CADM2: variants seen among roughly 807,000 people sequenced by gnomAD.
CADM2 encodes immunoglobulin superfamily member 4D.
CADM2 carries 12 observed loss-of-function variants against 49.8 expected under a neutral mutation model. The ratio of observed to expected loss-of-function variants is 0.24; its 90% confidence interval spans 0.15 to 0.39. The LOEUF (loss-of-function observed/expected upper bound fraction) is 0.39. CADM2 is among the 10% of genes least tolerant of loss of function. The pLI is 1.00. For synonymous variants in CADM2, 214 were observed against 175.4 expected (o/e 1.22, Z -1.74); for missense variants, 378 against 492.3 (o/e 0.77, Z 2.20).
intron 8 of CADM2, among the ~76,000 whole-genome samples, chr3:86,053,650 G>T (rs1003282083): frequency 6.6e-6 from 1 of 151,942 alleles, no homozygotes; most frequent in East Asian, 1.9e-4. Context: ...CAACTTTCCC[G>T]TATGAAAATT....
At chr3:85,344,146 C>G (rs373428730) in intron 1 of CADM2, among the ~76,000 whole-genome samples, 5 of 151,610 alleles carry the variant, frequency 3.3e-5, no homozygotes, top group African/African-American at 7.3e-5. Flanking sequence ...GGGGCCGAGG[C>G]GGGCAGATCA....
chr3:85,858,687 A>C (rs2075405079), intron 3 of CADM2, among the ~76,000 whole-genome samples: 1 of 152,212 alleles, frequency 6.6e-6, no homozygotes, highest in African/African-American at 2.4e-5. Flanking sequence ...CACTTTACTC[A>C]CTGCTATATG....
intron 8 of CADM2, chr3:85,994,100 T>G: frequency 6.6e-6 from 1 of 152,404 alleles, no homozygotes; most frequent in Non-Finnish European, 1.5e-5. Context: ...CTTCTTCCAA[T>G]AGAGGACTGT....
At chr3:85,253,022 A>C (rs1377266206) in intron 1 of CADM2, among the ~76,000 whole-genome samples, 1 of 152,138 alleles carries the variant, frequency 6.6e-6, no homozygotes, top group Admixed American at 6.6e-5. Context: ...TAATGATTAC[A>C]GTAAGTCTTC....
chr3:85,575,641 T>C (rs1165730192), intron 1 of CADM2, among the ~76,000 whole-genome samples: 1 of 152,134 alleles, frequency 6.6e-6, no homozygotes, highest in Admixed American at 6.5e-5. Flanking sequence ...TTATGTAAAA[T>C]AAAGAAGATA....
At chr3:85,010,082 AC>A (rs2033918302) in intron 1 of CADM2, among the ~76,000 whole-genome samples, 1 of 152,072 alleles carries the variant, frequency 6.6e-6, no homozygotes. Context: ...AATAGAGAAT[AC>A]CCCAATAAAG....
chr3:85,187,428 A>G (rs1166915915), intron 1 of CADM2, among the ~76,000 whole-genome samples: 2 of 152,172 alleles, frequency 1.3e-5, no homozygotes, highest in Non-Finnish European at 2.9e-5. Context: ...AGATACAAAA[A>G]GAAACATCTC....
At chr3:85,689,352 T>G (rs1026869222) in intron 1 of CADM2, among the ~76,000 whole-genome samples, 4 of 152,150 alleles carry the variant, frequency 2.6e-5, no homozygotes, top group Non-Finnish European at 5.9e-5. Context: ...CTTTTAAATG[T>G]TGCAAAGAAA....
chr3:85,246,846 A>T lies in CADM2; in HGVS notation c.61+287178A>T, dbSNP rs1014682488. ...CTTTAAATTGCCTTAGAGTTCTTGAATTTGTTTGCTGTGTATATTTTGTTG... is the reference window on the plus strand; with the variant it reads ...CTTTAAATTGCCTTAGAGTTCTTGATTTTGTTTGCTGTGTATATTTTGTTG... On this transcript the variant is annotated intron_variant, in intron 1 of 9. Coordinates refer to ENST00000383699, the MANE Select transcript of CADM2 (RefSeq NM_001167675.2). 8.5e-5 allele frequency among the ~76,000 whole-genome samples: 13 copies of T among 152,170 alleles called. No homozygotes were observed. In the South Asian group the frequency reaches 2.7e-3, roughly 32 times the overall value.
At chr3:85,143,294 G>A (rs1334816782) in intron 1 of CADM2, among the ~76,000 whole-genome samples, 1 of 152,040 alleles carries the variant, frequency 6.6e-6, no homozygotes, top group East Asian at 1.9e-4. Flanking sequence ...ACTAGCCTGT[G>A]CAACATAGTG....
At chr3:85,977,812 G>A (rs1577843630) in intron 8 of CADM2, among the ~76,000 whole-genome samples, 1 of 151,468 alleles carries the variant, frequency 6.6e-6, no homozygotes, top group East Asian at 1.9e-4. Context: ...GACTGGCCAG[G>A]AAGCATTTTC....
intron 6 of CADM2, among the ~76,000 whole-genome samples, chr3:85,915,541 G>A (rs1359001897): frequency 1.3e-5 from 2 of 152,092 alleles, no homozygotes; most frequent in Non-Finnish European, 2.9e-5. Flanking sequence ...GCAAATTGGT[G>A]TGATTTTCAT....
chr3:85,809,692 C>CTTCCTTCCTTCA, intron 3 of CADM2, among the ~76,000 whole-genome samples: 1 of 128,442 alleles, frequency 7.8e-6, no homozygotes, highest in Non-Finnish European at 1.7e-5. Flanking sequence ...TCCTTCCTTC[C>CTTCCTTCCTTCA]TTCCTTCCTT....
chr3:85,240,171 G>A (rs1459255438), intron 1 of CADM2, among the ~76,000 whole-genome samples: 2 of 151,414 alleles, frequency 1.3e-5, no homozygotes, highest in African/African-American at 2.4e-5. Flanking sequence ...AATAACTTAT[G>A]TTGTTGCTTT....
At chr3:86,046,770 A>C (rs1736732850) in intron 8 of CADM2, among the ~76,000 whole-genome samples, 1 of 151,974 alleles carries the variant, frequency 6.6e-6, no homozygotes, top group Admixed American at 6.6e-5. Context: ...CCTCCGTCTT[A>C]AACACCCCCA....
rs1334323124 is a variant in CADM2, at chr3:86,071,855, T to C, written c.*5072T>C. The C allele has an allele frequency of 1.3e-5, 2 of 152,018 alleles. No individual in the cohort carries two copies. Among genetic ancestry groups the C allele is most frequent in the African/African-American group, 4.8e-5 (2 of 41,470 alleles). The allele number at this position is 152,018 out of a possible 1,614,324, so 9.4% of individuals were successfully genotyped here. On this transcript the variant is annotated 3_prime_UTR_variant, in exon 10 of 10. Transcript: ENST00000383699. The stretch of plus-strand genomic sequence containing the variant: ...ATATAATTGTATTGGTTTTTAAAAA[T>C]AATTAAAATGGCAACACTTTGCGAT...
intron 1 of CADM2, among the ~76,000 whole-genome samples, chr3:85,282,517 C>T (rs1309764763): frequency 2.6e-5 from 4 of 151,212 alleles, no homozygotes; most frequent in African/African-American, 9.7e-5. Flanking sequence ...AACAATCTAC[C>T]CGCCTCGGCC....
chr3:84,960,592 G>C (rs2107031383), intron 1 of CADM2, among the ~76,000 whole-genome samples: 1 of 151,692 alleles, frequency 6.6e-6, no homozygotes, highest in South Asian at 2.1e-4. Flanking sequence ...GCTTCTTTCC[G>C]TAATTAATAT....
At chr3:85,950,524 A>T (rs1723303120) in intron 7 of CADM2, among the ~76,000 whole-genome samples, 1 of 151,170 alleles carries the variant, frequency 6.6e-6, no homozygotes, top group Non-Finnish European at 1.5e-5. Flanking sequence ...ATCAATGAAC[A>T]CTACCTTATC....
Sources: allele counts gnomAD v4.1 joint callset (sites outside exome capture counted in the v4.1 genomes callset), GRCh38; gene constraint gnomAD v4.1.1; transcripts MANE v1.5; gene names NCBI Gene and HGNC (gene_info 2026-07-23, HGNC 2026-07-21).